FCHO2: variants seen among roughly 807,000 people sequenced by gnomAD.
The protein encoded by FCHO2 is FCH and mu domain containing endocytic adaptor 2, also known as F-BAR domain only protein 2.
Under a neutral mutation model 114.1 loss-of-function variants are expected in FCHO2, and 43 were observed. The observed-to-expected ratio is 0.38, with a 90% CI of 0.30 to 0.49. The LOEUF (loss-of-function observed/expected upper bound fraction) is 0.49, where lower values mean the gene tolerates loss of function less well. FCHO2 is among the 20% of genes least tolerant of loss of function. The pLI, the probability that FCHO2 is intolerant of heterozygous loss-of-function variation, is 0.97. For synonymous variants in FCHO2, 293 were observed against 315.2 expected (o/e 0.93, Z 0.75); for missense variants, 807 against 950.4 (o/e 0.85, Z 1.98).
intron 9 of FCHO2, among the ~76,000 whole-genome samples, chr5:73,035,243 C>A (rs923486387): frequency 1.3e-5 from 2 of 151,976 alleles, no homozygotes; most frequent in African/African-American, 2.4e-5. Context: ...CATGTTGAGA[C>A]CCCATCTCTA....
chr5:73,051,586 A>T lies in FCHO2; in HGVS notation c.997+180A>T, dbSNP rs180784093. Among the ~76,000 whole-genome samples, 3 of 151,422 alleles carry T rather than the reference A, an allele frequency of 2.0e-5. No homozygotes were observed. The East Asian group carries it at 5.8e-4, about 29-fold the overall frequency. On this transcript the variant is annotated intron_variant, in intron 12 of 25. Coordinates refer to ENST00000430046, the MANE Select transcript of FCHO2 (RefSeq NM_138782.3). ...TTTTGTTTTTTTTGGGTTTTTTTTG[A>T]GACAGAGTCTCGCTCTCTTGCCCGG...
chr5:73,062,738 C>T (rs766064912), intron 17 of FCHO2, among the ~76,000 whole-genome samples: 3 of 151,978 alleles, frequency 2.0e-5, no homozygotes, highest in Non-Finnish European at 2.9e-5. Context: ...ACTTTCAATC[C>T]GTGTGACTAC....
chr5:72,967,040 C>T (rs1580004436), intron 1 of FCHO2, among the ~76,000 whole-genome samples: 1 of 152,294 alleles, frequency 6.6e-6, no homozygotes, highest in South Asian at 2.1e-4. Flanking sequence ...AATCCCAGCA[C>T]ATTGGGAAGC....
At chr5:73,072,055 G>A (rs1030067129) in intron 19 of FCHO2, among the ~76,000 whole-genome samples, 1 of 151,224 alleles carries the variant, frequency 6.6e-6, no homozygotes, top group Admixed American at 6.6e-5. Context: ...ATGAGACAGG[G>A]TCTCACTCCA....
intron 8 of FCHO2, chr5:73,021,153 G>C: frequency 1.3e-6 from 1 of 777,194 alleles, no homozygotes; most frequent in Non-Finnish European, 2.4e-6. Context: ...GGCTGAGAAT[G>C]CCATCTCTCC....
At chr5:72,957,521 T>G (rs967395042) in intron 1 of FCHO2, among the ~76,000 whole-genome samples, 2 of 152,228 alleles carry the variant, frequency 1.3e-5, no homozygotes, top group African/African-American at 2.4e-5. Context: ...TTATCCATGA[T>G]GTAGCATGTA....
intron 11 of FCHO2, among the ~76,000 whole-genome samples, 187 bp downstream of exon 11, chr5:73,041,502 T>G (rs1349301561): frequency 1.3e-5 from 2 of 152,154 alleles, no homozygotes; most frequent in East Asian, 3.8e-4. Flanking sequence ...TCCTATTAAA[T>G]AGAAAGTATT....
Position 73,052,445 on chromosome 5 carries a change from A to G in FCHO2, c.1111A>G (p.Met371Val), listed in dbSNP as rs185435. The G allele has an allele frequency of 0.17, 266,646 of 1,598,840 alleles. 26,141 individuals carry two copies. The highest frequency in any genetic ancestry group is 0.42 in the African/African-American group (31,414 of 74,692). Reference sequence around the variant, plus strand: ...GCATCCAAATAACTCACATCACACAATGGCTTCTTTGGATGAATTAAAAGT... The same window carrying G: ...GCATCCAAATAACTCACATCACACAGTGGCTTCTTTGGATGAATTAAAAGT... ...PMHPNNSHHT[M>V]ASLDELKVSI... Residue 371 changes from methionine to valine, a missense_variant, in exon 13 of 26, where the codon ATG (methionine) becomes GTG (valine). Transcript: ENST00000430046.
intron 6 of FCHO2, among the ~76,000 whole-genome samples, chr5:73,007,067 G>A (rs930557154): frequency 1.3e-5 from 2 of 152,054 alleles, no homozygotes; most frequent in African/African-American, 2.4e-5. Context: ...TCCACTCTCC[G>A]CTGCCCCTGC....
At chr5:73,071,097 C>T (rs961200192) in intron 19 of FCHO2, among the ~76,000 whole-genome samples, 2 of 151,960 alleles carry the variant, frequency 1.3e-5, no homozygotes, top group African/African-American at 4.8e-5. Flanking sequence ...CAGTTTTGTG[C>T]TAATTCCATC....
At chr5:73,021,273 A>G (rs926405883) in intron 8 of FCHO2, 1 of 553,604 alleles carries the variant, frequency 1.8e-6, no homozygotes, top group Non-Finnish European at 3.4e-6. Context: ...GAGGGCTGAG[A>G]ACCCATCACC....
At chr5:72,992,928 T>G (rs1258306238) in intron 5 of FCHO2, among the ~76,000 whole-genome samples, 2 of 149,778 alleles carry the variant, frequency 1.3e-5, no homozygotes, top group Non-Finnish European at 3.0e-5. Context: ...GCAGTACTGA[T>G]GAAGGGCGAG....
chr5:73,053,614 G>C (rs183124819), intron 13 of FCHO2, among the ~76,000 whole-genome samples: 9 of 151,130 alleles, frequency 6.0e-5, no homozygotes, highest in African/African-American at 2.2e-4. Flanking sequence ...AGAATTGCTT[G>C]AAAACCATGA....
intron 18 of FCHO2, among the ~76,000 whole-genome samples, chr5:73,067,237 C>CA (rs1180109957): frequency 1.3e-5 from 2 of 152,006 alleles, no homozygotes; most frequent in African/African-American, 4.8e-5. Flanking sequence ...ATTAAAAAGG[C>CA]AGTCACATTA....
intron 11 of FCHO2, among the ~76,000 whole-genome samples, chr5:73,047,450 C>T (rs1445811496): frequency 6.6e-6 from 1 of 151,614 alleles, no homozygotes; most frequent in Non-Finnish European, 1.5e-5. Flanking sequence ...TTCTTATTTG[C>T]CCTTCTTACT....
chr5:72,967,379 GT>G (rs1370275609), intron 1 of FCHO2, among the ~76,000 whole-genome samples: 4 of 152,102 alleles, frequency 2.6e-5, no homozygotes, highest in African/African-American at 9.7e-5. Flanking sequence ...CCCTTCTCAG[GT>G]TAAGTTTACT....
chr5:73,075,942 T>C (rs557253995), intron 20 of FCHO2, among the ~76,000 whole-genome samples: 1 of 152,260 alleles, frequency 6.6e-6, no homozygotes, highest in South Asian at 2.1e-4. Context: ...GGTAGTGTAA[T>C]TAGTTTGTAG....
intron 2 of FCHO2, among the ~76,000 whole-genome samples, chr5:72,986,966 C>T (rs1753557686): frequency 6.6e-6 from 1 of 151,462 alleles, no homozygotes; most frequent in Non-Finnish European, 1.5e-5. Context: ...GCAACCTCTG[C>T]CTCCCGGGTT....
At chr5:73,012,117 G>A (rs1040442507) in intron 6 of FCHO2, among the ~76,000 whole-genome samples, 3 of 152,012 alleles carry the variant, frequency 2.0e-5, no homozygotes, top group Non-Finnish European at 4.4e-5. Context: ...TGTGCTATGC[G>A]GTACTTTTAT....
Sources: allele counts gnomAD v4.1 joint callset (sites outside exome capture counted in the v4.1 genomes callset), GRCh38; gene constraint gnomAD v4.1.1; transcripts MANE v1.5; gene names NCBI Gene and HGNC (gene_info 2026-07-23, HGNC 2026-07-21).